The following ENTREP2 variants were observed in gnomAD, a reference collection of about 807,000 sequenced individuals.
ENTREP2 encodes protein ENTREP2.
the ENTREP2 span, among the ~76,000 whole-genome samples, chr15:29,366,011 C>T: frequency 5.3e-5 from 8 of 152,266 alleles, no homozygotes; most frequent in East Asian, 1.9e-4. Flanking sequence ...AGATGACTTC[C>T]GTTATCACCT....
the ENTREP2 span, among the ~76,000 whole-genome samples, chr15:29,275,055 G>A: frequency 6.6e-6 from 1 of 152,146 alleles, no homozygotes; most frequent in Non-Finnish European, 1.5e-5. Context: ...TTTATCTCCT[G>A]TTTTCAGGAA....
the ENTREP2 span, among the ~76,000 whole-genome samples, chr15:29,659,449 A>C: frequency 6.6e-6 from 1 of 152,114 alleles, no homozygotes; most frequent in Non-Finnish European, 1.5e-5. Flanking sequence ...CCAGCCTAGG[A>C]GACAGTGCGA....
At chr15:29,447,717 T>C in the ENTREP2 span, among the ~76,000 whole-genome samples, 2 of 151,040 alleles carry the variant, frequency 1.3e-5, no homozygotes, top group East Asian at 2.0e-4. Context: ...CTCGAACTCC[T>C]GGGCACAAGT....
At chr15:29,308,686 G>T in the ENTREP2 span, among the ~76,000 whole-genome samples, 1 of 152,152 alleles carries the variant, frequency 6.6e-6, no homozygotes, top group African/African-American at 2.4e-5. Context: ...GCACATAACA[G>T]GAATTATTTT....
chr15:29,568,710 CAAAAAAAAAAAAAA>C, the ENTREP2 span, among the ~76,000 whole-genome samples: 72,744 of 129,352 alleles, frequency 0.56, 20,754 homozygotes, highest in Middle Eastern at 0.68. Flanking sequence ...CCTCTTAAGG[CAAAAAAAAAAAAAA>C]AAAAAAAAAA....
chr15:29,503,234 A>G, the ENTREP2 span, among the ~76,000 whole-genome samples: 1 of 152,210 alleles, frequency 6.6e-6, no homozygotes, highest in African/African-American at 2.4e-5. Context: ...AAAATGTGGT[A>G]TATACATATG....
the ENTREP2 span, among the ~76,000 whole-genome samples, chr15:29,532,600 A>G: frequency 6.6e-6 from 1 of 152,188 alleles, no homozygotes; most frequent in African/African-American, 2.4e-5. Context: ...CTTCTAACCA[A>G]AAATGAAAAT....
the ENTREP2 span, among the ~76,000 whole-genome samples, chr15:29,245,781 A>C: frequency 6.6e-6 from 1 of 152,202 alleles, no homozygotes; most frequent in Admixed American, 6.5e-5. Context: ...ACATAATAAA[A>C]TTGTACAATT....
chr15:29,479,426 A>G, the ENTREP2 span, among the ~76,000 whole-genome samples: 48 of 152,048 alleles, frequency 3.2e-4, no homozygotes, highest in African/African-American at 1.1e-3. Flanking sequence ...ATTTCTTTAT[A>G]GCGACACAAG....
At chr15:29,309,453 C>T in the ENTREP2 span, among the ~76,000 whole-genome samples, 1 of 152,074 alleles carries the variant, frequency 6.6e-6, no homozygotes, top group Non-Finnish European at 1.5e-5. Flanking sequence ...GTGTTGATGA[C>T]CTTCCCTGAA....
chr15:29,151,037 T>G, the ENTREP2 span, among the ~76,000 whole-genome samples: 3 of 152,186 alleles, frequency 2.0e-5, no homozygotes, highest in Non-Finnish European at 4.4e-5. Context: ...TTCATCAATT[T>G]CTCTTTGTTG....
the ENTREP2 span, among the ~76,000 whole-genome samples, chr15:29,250,846 G>A: frequency 2.0e-5 from 3 of 152,046 alleles, no homozygotes; most frequent in African/African-American, 4.8e-5. Context: ...TCTTAAGGGG[G>A]TCTACACCAT....
the ENTREP2 span, among the ~76,000 whole-genome samples, chr15:29,229,061 C>T: frequency 6.6e-6 from 1 of 151,960 alleles, no homozygotes; most frequent in South Asian, 2.1e-4. Context: ...AATTAAACAA[C>T]ATATAAAATC....
At chr15:29,254,245 T>G in the ENTREP2 span, among the ~76,000 whole-genome samples, 1 of 151,102 alleles carries the variant, frequency 6.6e-6, no homozygotes, top group South Asian at 2.1e-4. Context: ...CCTTTCAATG[T>G]CTTTATGCTA....
At chr15:29,606,730 G>A in the ENTREP2 span, among the ~76,000 whole-genome samples, 1 of 150,706 alleles carries the variant, frequency 6.6e-6, no homozygotes, top group South Asian at 2.1e-4. Flanking sequence ...AGGTTCAAAT[G>A]ATTTTTTTTT....
chr15:29,130,442 T>G, the ENTREP2 span, among the ~76,000 whole-genome samples: 1 of 152,198 alleles, frequency 6.6e-6, no homozygotes, highest in Non-Finnish European at 1.5e-5. Flanking sequence ...TGTTTCATCC[T>G]GTGTCTCCCC....
At chr15:29,307,799 C>T in the ENTREP2 span, among the ~76,000 whole-genome samples, 72,468 of 151,960 alleles carry the variant, frequency 0.48, 18,981 homozygotes, top group African/African-American at 0.72. Flanking sequence ...GTCTGCAAGA[C>T]AGGAAGCAAG....
chr15:29,607,631 A>G, the ENTREP2 span, among the ~76,000 whole-genome samples: 1 of 152,168 alleles, frequency 6.6e-6, no homozygotes, highest in African/African-American at 2.4e-5. Flanking sequence ...ATGACTTGTC[A>G]GTTACAGTGT....
chr15:29,200,958 T>C, the ENTREP2 span, among the ~76,000 whole-genome samples: 2 of 152,342 alleles, frequency 1.3e-5, no homozygotes, highest in East Asian at 3.9e-4. Context: ...CAGTTTTCAG[T>C]GTATGTTTTG....
Sources: allele counts gnomAD v4.1 joint callset (sites outside exome capture counted in the v4.1 genomes callset), GRCh38; gene constraint gnomAD v4.1.1; transcripts MANE v1.5; gene names NCBI Gene and HGNC (gene_info 2026-07-23, HGNC 2026-07-21).